MINDY4: variants seen among roughly 807,000 people sequenced by gnomAD.
MINDY4 encodes the protein probable ubiquitin carboxyl-terminal hydrolase MINDY-4.
Under a neutral mutation model 87.0 loss-of-function variants are expected in MINDY4, and 68 were observed. That is an observed-to-expected ratio of 0.78 (90% CI 0.64 to 0.96). The LOEUF is 0.96. MINDY4 is among the 40% of genes least tolerant of loss of function. The probability of loss-of-function intolerance (pLI) is 0.00; values close to 1 mark genes in which losing one functional copy is unlikely to be tolerated. For synonymous variants in MINDY4, 379 were observed against 363.2 expected (o/e 1.04, Z -0.50); for missense variants, 919 against 928.2 (o/e 0.99, Z 0.13).
chr7:30,877,797 G>T (rs1342857348), intron 15 of MINDY4, among the ~76,000 whole-genome samples: 1 of 129,332 alleles, frequency 7.7e-6, no homozygotes, highest in African/African-American at 2.8e-5. Context: ...TCAGCCTCCT[G>T]AGTAGCTGGG....
rs559862726 is a variant in MINDY4, at chr7:30,807,831, G to T, written c.1073+16257G>T. ...GCTCAGTTGATCACGACCCTCTCAC[G>T]CGGACTCTGTTAGAATTGTGCGCCC... On this transcript the variant is annotated intron_variant, in intron 5 of 17. Coordinates refer to ENST00000265299, the MANE Select transcript of MINDY4 (RefSeq NM_032222.3). 6.6e-5 allele frequency among the ~76,000 whole-genome samples: 10 copies of T among 152,292 alleles called. No homozygotes were observed. In the South Asian group the frequency reaches 2.1e-3, roughly 32 times the overall value.
chr7:30,791,464 C>G lies in MINDY4; in HGVS notation c.963C>G (p.Asp321Glu). 6.2e-7 allele frequency: 1 copy of G among 1,614,102 alleles called. No individual in the cohort carries two copies. The highest frequency in any genetic ancestry group is 8.5e-7 in the Non-Finnish European group (1 of 1,180,008). The stretch of plus-strand genomic sequence containing the variant: ...CCCCAGCAGTGGACGGCAGCACAGA[C>G]ACGGACAGGATGCCCTTGAAGCTCT... ...EDTPAVDGSTDTDRMPLKLYL... is the reference protein window; with the variant it reads ...EDTPAVDGSTETDRMPLKLYL... The change falls in exon 5 of 18, where the codon GAC (aspartate) becomes GAG (glutamate). Residue 321 changes from aspartate to glutamate, a missense_variant. Asp to Glu is a conservative substitution (Grantham distance 45, BLOSUM62 2). Transcript: ENST00000265299.
At chr7:30,831,309 G>C (rs911627350) in intron 6 of MINDY4, among the ~76,000 whole-genome samples, 1 of 152,134 alleles carries the variant, frequency 6.6e-6, no homozygotes, top group East Asian at 1.9e-4. Flanking sequence ...ACTAGGTTAT[G>C]TTGTAATTTT....
At chr7:30,808,297 C>T (rs1240277894) in intron 5 of MINDY4, among the ~76,000 whole-genome samples, 1 of 152,150 alleles carries the variant, frequency 6.6e-6, no homozygotes. Context: ...GGAAGCGTGG[C>T]CTGATCACCC....
At position 30,873,211 on chromosome 7, in the gene MINDY4, A is replaced by G. The variant is rs151161942; in HGVS notation, c.1809+905A>G. On this transcript the variant is annotated intron_variant, in intron 14 of 17. Coordinates refer to ENST00000265299, the MANE Select transcript of MINDY4 (RefSeq NM_032222.3). ...CACCCTAGAGGAAGGCCTCACGGGGAGTGGCTACTCTTCTGGCTGCCCGGG... is the reference window on the plus strand; with the variant it reads ...CACCCTAGAGGAAGGCCTCACGGGGGGTGGCTACTCTTCTGGCTGCCCGGG... Among the ~76,000 whole-genome samples the G allele has an allele frequency of 5.9e-3, 901 of 152,240 alleles. 4 individuals are homozygous for G. The highest frequency in any genetic ancestry group is 0.011 in the South Asian group (54 of 4,806).
rs1421934508 is a variant in MINDY4, at chr7:30,853,334, T to G, written c.1612-60T>G. 2.1e-6 allele frequency: 3 copies of G among 1,426,738 alleles called. No homozygotes were observed. In the East Asian group the frequency reaches 6.9e-5, roughly 33 times the overall value. The allele number at this position is 1,426,738 out of a possible 1,614,324, so 88.4% of individuals were successfully genotyped here. A position where few individuals can be genotyped will look rare whatever the true frequency, so the allele number is the denominator to read the frequency against. On this transcript the variant is annotated intron_variant, in intron 11 of 17. Coordinates refer to ENST00000265299, the MANE Select transcript of MINDY4 (RefSeq NM_032222.3). The stretch of plus-strand genomic sequence containing the variant: ...CTAAAGCCAGGGAGCAGAAGCTAAT[T>G]CAGGATGGGGCACTGCGTGGGGCTT...
intron 4 of MINDY4, among the ~76,000 whole-genome samples, chr7:30,788,831 A>T (rs1436392519): frequency 8.5e-5 from 13 of 152,166 alleles, no homozygotes; most frequent in Admixed American, 7.9e-4. Context: ...CCACTGTGTC[A>T]CTCAGGGTGT....
At chr7:30,814,384 G>T (rs1415821730) in intron 5 of MINDY4, among the ~76,000 whole-genome samples, 2 of 152,260 alleles carry the variant, frequency 1.3e-5, no homozygotes, top group South Asian at 2.1e-4. Context: ...TCAAGATTAT[G>T]TCAACCTTTA....
At chr7:30,781,757 T>C (rs1241473571) in intron 2 of MINDY4, 2 of 531,962 alleles carry the variant, frequency 3.8e-6, no homozygotes, top group Admixed American at 7.3e-5. Context: ...ATGCGTTGGA[T>C]GCTAGTTCTT....
chr7:30,881,182 G>A (rs1216157431), intron 15 of MINDY4, among the ~76,000 whole-genome samples: 1 of 152,150 alleles, frequency 6.6e-6, no homozygotes, highest in Admixed American at 6.5e-5. Context: ...CAGGAGAGGC[G>A]CTGGCCAAGA....
chr7:30,777,442 T>C (rs1284890914), intron 1 of MINDY4, among the ~76,000 whole-genome samples: 1 of 152,246 alleles, frequency 6.6e-6, no homozygotes, highest in African/African-American at 2.4e-5. Flanking sequence ...ACCTTTTTTC[T>C]GACCCATATA....
intron 4 of MINDY4, among the ~76,000 whole-genome samples, chr7:30,790,934 C>T (rs1021345509): frequency 3.9e-5 from 6 of 152,212 alleles, no homozygotes; most frequent in African/African-American, 1.4e-4. Flanking sequence ...GAGAAAGGCC[C>T]AGGCCTGCTC....
rs982338758 is a variant in MINDY4 at position 30,857,565 on chromosome 7, C to T, written c.1678-1692C>T. Among the ~76,000 whole-genome samples, 8 of 73,076 alleles carry T rather than the reference C, an allele frequency of 1.1e-4. 1 individual carries two copies. The highest frequency in any genetic ancestry group is 1.9e-4 in the African/African-American group (1 of 5,332). The allele number at this position is 73,076 out of a possible 152,430, so 47.9% of individuals were successfully genotyped here. ...TCGGCTCACTGCAAGCTCCGCCTCCCGGGTTCACGCCATTCTCCTGCCTCA... is the reference window on the plus strand; with the variant it reads ...TCGGCTCACTGCAAGCTCCGCCTCCTGGGTTCACGCCATTCTCCTGCCTCA... On this transcript the variant is annotated intron_variant, in intron 12 of 17. Coordinates refer to ENST00000265299, the MANE Select transcript of MINDY4 (RefSeq NM_032222.3).
At chr7:30,802,752 T>G (rs565704672) in intron 5 of MINDY4, among the ~76,000 whole-genome samples, 1 of 152,302 alleles carries the variant, frequency 6.6e-6, no homozygotes, top group South Asian at 2.1e-4. Context: ...ACAAAACTAG[T>G]TACATGACTG....
At chr7:30,891,122 A>T (rs1471224099) in intron 17 of MINDY4, among the ~76,000 whole-genome samples, 1 of 152,230 alleles carries the variant, frequency 6.6e-6, no homozygotes, top group African/African-American at 2.4e-5. Flanking sequence ...TCTGCACTGT[A>T]GAACTGCTGT....
rs774502933 is a variant in MINDY4 at position 30,802,473 on chromosome 7, CAT to C, written c.1073+10902_1073+10903del. ...AGTATAGAACAATGATTTGATAACT[CAT>C]ATTTATATTCATGAACTTTTTGAGG... is the stretch of plus-strand genomic sequence containing the variant. On this transcript the variant is annotated intron_variant, in intron 5 of 17. Coordinates refer to ENST00000265299, the MANE Select transcript of MINDY4 (RefSeq NM_032222.3). Among the ~76,000 whole-genome samples, 6 of 152,152 alleles carry C rather than the reference CAT, an allele frequency of 3.9e-5. No individual in the cohort carries two copies. In the East Asian group the frequency reaches 7.7e-4, roughly 20 times the overall value.
At chr7:30,787,771 G>T (rs1200971632) in intron 4 of MINDY4, among the ~76,000 whole-genome samples, 1 of 152,224 alleles carries the variant, frequency 6.6e-6, no homozygotes, top group African/African-American at 2.4e-5. Context: ...TGTGGAAGGA[G>T]CCCTGCCTGG....
At chr7:30,860,083 TG>T (rs1562557412) in intron 13 of MINDY4, among the ~76,000 whole-genome samples, 1 of 152,138 alleles carries the variant, frequency 6.6e-6, no homozygotes, top group African/African-American at 2.4e-5. Flanking sequence ...GACAGAGCCC[TG>T]GGGGCCTGGA....
intron 3 of MINDY4, among the ~76,000 whole-genome samples, chr7:30,785,300 A>ACC (rs1554277654): frequency 2.5e-5 from 3 of 122,112 alleles, no homozygotes; most frequent in Admixed American, 1.6e-4. Flanking sequence ...ACACACACAC[A>ACC]CCCATTGGCA....
Sources: allele counts gnomAD v4.1 joint callset (sites outside exome capture counted in the v4.1 genomes callset), GRCh38; gene constraint gnomAD v4.1.1; transcripts MANE v1.5; gene names NCBI Gene and HGNC (gene_info 2026-07-23, HGNC 2026-07-21).